Variants in ADGRB2 observed in about 807,000 individuals in gnomAD.
The protein encoded by ADGRB2 is adhesion G protein-coupled receptor B2, also known as brain-specific angiogenesis inhibitor 2.
ADGRB2 carries 47 observed loss-of-function variants against 178.7 expected under a neutral mutation model. That is an observed-to-expected ratio of 0.26 (90% confidence interval 0.21 to 0.34). The LOEUF is 0.34. ADGRB2 is among the 10% of genes least tolerant of loss of function. The probability of loss-of-function intolerance (pLI) is 1.00; values close to 1 mark genes in which losing one functional copy is unlikely to be tolerated. For synonymous variants in ADGRB2, 870 were observed against 912.4 expected (o/e 0.95, Z 0.84); for missense variants, 1,584 against 2,180.8 (o/e 0.73, Z 5.45).
In ADGRB2 at chr1:31,735,397, G is replaced by A. The variant is rs772296083; in HGVS notation, c.3354-116C>T. The A allele has an allele frequency of 4.4e-5, 52 of 1,190,990 alleles. 1 individual carries two copies. In the South Asian group the frequency reaches 6.5e-4, roughly 15 times the overall value. 73.8% of individuals were successfully genotyped at this position (1,190,990 alleles called of 1,614,324 possible). On this transcript the variant is annotated intron_variant, in intron 24 of 32. Coordinates refer to ENST00000373658, the MANE Select transcript of ADGRB2 (RefSeq NM_001364857.2). The surrounding 1 kb of genome is among the most constrained non-coding windows in gnomAD (Gnocchi z 6.0). ...GAGGGCAGACGAGAGAGAGAGAGCT[G>A]GGTTAGGGTGGGTGAGGGGCTGCGG...
rs1163536726 is a variant in ADGRB2 at position 31,728,655 on chromosome 1, G to C, written c.4381-22C>G. The C allele has an allele frequency of 6.2e-7, 1 of 1,613,874 alleles. No individual in the cohort carries two copies. The highest frequency in any genetic ancestry group is 1.1e-5 in the South Asian group (1 of 91,072). Reference sequence around the variant, plus strand: ...TTCGCTGGGAAGGAGCAACAAGGAGGCAATGGAGGAGAAGAAAGCTTTTTA... The same window carrying C: ...TTCGCTGGGAAGGAGCAACAAGGAGCCAATGGAGGAGAAGAAAGCTTTTTA... On this transcript the variant is annotated intron_variant, in intron 29 of 32. Coordinates refer to ENST00000373658, the MANE Select transcript of ADGRB2 (RefSeq NM_001364857.2). The surrounding 1 kb of genome is among the most constrained non-coding windows in gnomAD (Gnocchi z 6.7).
At position 31,756,691 on chromosome 1, in the gene ADGRB2, T is replaced by C. The variant is rs761089681; in HGVS notation, c.146A>G (p.Tyr49Cys). 1 of 1,607,698 alleles carries C rather than the reference T, an allele frequency of 6.2e-7. No homozygotes were observed. Among genetic ancestry groups the C allele is most frequent in the South Asian group, 1.1e-5 (1 of 89,474 alleles). ...ACSALASGVL[Y>C]GAFSLQDLFP... Reference sequence around the variant, plus strand: ...GAGGTCCTGCAGCGAGAAGGCCCCGTAGAGCACACCCGAGGCCAGGGCAGA... The same window carrying C: ...GAGGTCCTGCAGCGAGAAGGCCCCGCAGAGCACACCCGAGGCCAGGGCAGA... Residue 49 changes from tyrosine to cysteine, a missense_variant, in exon 4 of 33, where the codon TAC (tyrosine) becomes TGC (cysteine). By Grantham distance (194) the Tyr-to-Cys change is radical (BLOSUM62 -2). This residue lies in a region of ADGRB2 where 657 missense variants were observed against 847.6 expected (regional missense o/e 0.78). Transcript: ENST00000373658. The surrounding 1 kb of genome is among the most constrained non-coding windows in gnomAD (Gnocchi z 8.5).
In ADGRB2 at chr1:31,727,493, C is replaced by T. The variant is rs139337826; in HGVS notation, c.4685G>A (p.Arg1562Gln). ...GGCTGCTGCCCGGTGCAGAGTCAGC[C>T]GTTCTCGGGGCTTGGGGGGCAGCGA... Reference protein sequence around the residue: ...LGSLPPKPRERLTLHRAAAWE... With the variant: ...LGSLPPKPREQLTLHRAAAWE... Residue 1562 changes from arginine to glutamine, a missense_variant, in exon 33 of 33, where the codon CGG (arginine) becomes CAG (glutamine). Around this residue, in one of 3 missense-constraint regions of ADGRB2, gnomAD observed 865 missense variants for 1,192.8 expected, o/e 0.73. Transcript: ENST00000373658. This position sits in a 1 kb window ranked among gnomAD's most constrained non-coding sequence, Gnocchi z 4.4. The T allele has an allele frequency of 1.9e-6, 3 of 1,596,814 alleles. No homozygotes were observed. In the Admixed American group the frequency reaches 5.5e-5, roughly 30 times the overall value.
chr1:31,745,865 G>C (rs1255303161), intron 4 of ADGRB2, among the ~76,000 whole-genome samples: 1 of 152,158 alleles, frequency 6.6e-6, no homozygotes, highest in Non-Finnish European at 1.5e-5. Context: ...CAAGCATGAG[G>C]AGCAGCCACC....
At position 31,759,381 on chromosome 1, in the gene ADGRB2, G is replaced by A; in HGVS notation, c.-190-1870C>T. 1 of 779,668 alleles carries A rather than the reference G, an allele frequency of 1.3e-6. No homozygotes were observed. Among genetic ancestry groups the A allele is most frequent in the East Asian group, 2.4e-5 (1 of 41,258 alleles). The allele number at this position is 779,668 out of a possible 1,614,324, so 48.3% of individuals were successfully genotyped here. On this transcript the variant is annotated intron_variant, in intron 1 of 32. Transcript: ENST00000373658. This position sits in a 1 kb window ranked among gnomAD's most constrained non-coding sequence, Gnocchi z 4.3. ...AGCTAAGTGTCAGGCAGGATCCTCT[G>A]CGGGGTCTTCCTTTGCATGTCTGAA... is the stretch of plus-strand genomic sequence containing the variant.
chr1:31,758,518 GA>G lies in ADGRB2; in HGVS notation c.-190-1008del, dbSNP rs1342189858. ...TCTTCAGGAGTCTAAACAGCAGGCA[GA>G]GGGGGGACAGAATTTAGAACCCCAA... On this transcript the variant is annotated intron_variant, in intron 1 of 32. Transcript: ENST00000373658. The surrounding 1 kb of genome is among the most constrained non-coding windows in gnomAD (Gnocchi z 4.2). The G allele has an allele frequency of 6.5e-6, 1 of 152,866 alleles. No individual in the cohort carries two copies. The highest frequency in any genetic ancestry group is 1.5e-5 in the Non-Finnish European group (1 of 68,296). The allele number at this position is 152,866 out of a possible 1,614,324, so 9.5% of individuals were successfully genotyped here.
chr1:31,734,992 A>C (rs1021576598), intron 25 of ADGRB2, among the ~76,000 whole-genome samples, 191 bp downstream of exon 25: 1 of 152,194 alleles, frequency 6.6e-6, no homozygotes, highest in Non-Finnish European at 1.5e-5. Flanking sequence ...TGTGGGAGGC[A>C]CAGACATCCA....
At position 31,741,159 on chromosome 1, in the gene ADGRB2, G is replaced by T. The variant is rs1298494625; in HGVS notation, c.1794+214C>A. On this transcript the variant is annotated intron_variant, in intron 11 of 32. Coordinates refer to ENST00000373658, the MANE Select transcript of ADGRB2 (RefSeq NM_001364857.2). The surrounding 1 kb of genome is among the most constrained non-coding windows in gnomAD (Gnocchi z 6.5). ...ACTGAGGAGCTCATTCTGCAGGAGCGCAGAGGTAGGCACCAGGGATAAAAG... is the reference window on the plus strand; with the variant it reads ...ACTGAGGAGCTCATTCTGCAGGAGCTCAGAGGTAGGCACCAGGGATAAAAG... Among the ~76,000 whole-genome samples the T allele has an allele frequency of 2.0e-5, 3 of 152,176 alleles. No individual in the cohort carries two copies. The highest frequency in any genetic ancestry group is 4.4e-5 in the Non-Finnish European group (3 of 68,028).
chr1:31,729,237 C>G (rs1251495590), intron 29 of ADGRB2, among the ~76,000 whole-genome samples: 4 of 152,032 alleles, frequency 2.6e-5, no homozygotes. Flanking sequence ...ACAGGGAGAC[C>G]CATGAAGCCA....
Position 31,727,131 on chromosome 1 carries a change from T to C in ADGRB2, c.*289A>G. 2.7e-6 allele frequency: 1 copy of C among 371,048 alleles called. No homozygotes were observed. Among genetic ancestry groups the C allele is most frequent in the Non-Finnish European group, 4.8e-6 (1 of 207,178 alleles). The allele number at this position is 371,048 out of a possible 1,614,324, so 23.0% of individuals were successfully genotyped here. A position where few individuals can be genotyped will look rare whatever the true frequency, so the allele number is the denominator to read the frequency against. On this transcript the variant is annotated 3_prime_UTR_variant, in exon 33 of 33. Coordinates refer to ENST00000373658, the MANE Select transcript of ADGRB2 (RefSeq NM_001364857.2). The surrounding 1 kb of genome is among the most constrained non-coding windows in gnomAD (Gnocchi z 4.4). ...CAGCAGCAAAATCCACAGAGTGAAG[T>C]TTATTCCCAACAAAGTTCCCCTCCC...
intron 1 of ADGRB2, among the ~76,000 whole-genome samples, chr1:31,757,754 C>G (rs761423969): frequency 6.6e-6 from 1 of 152,202 alleles, no homozygotes; most frequent in Non-Finnish European, 1.5e-5. Context: ...ACCAGCCAGT[C>G]GTGACCTCTC....
Position 31,761,582 on chromosome 1 carries a change from G to A in ADGRB2, c.-191+2302C>T, listed in dbSNP as rs535267973. Among the ~76,000 whole-genome samples, 4 of 152,104 alleles carry A rather than the reference G, an allele frequency of 2.6e-5. No individual in the cohort carries two copies. Among genetic ancestry groups the A allele is most frequent in the Non-Finnish European group, 5.9e-5 (4 of 68,012 alleles). On this transcript the variant is annotated intron_variant, in intron 1 of 32. Coordinates refer to ENST00000373658, the MANE Select transcript of ADGRB2 (RefSeq NM_001364857.2). The surrounding 1 kb of genome is among the most constrained non-coding windows in gnomAD (Gnocchi z 4.2). ...CCTGGCTTTCACTAACATCCCTCTGGCCAGAGCTGATCCCAGAGAAATATA... is the reference window on the plus strand; with the variant it reads ...CCTGGCTTTCACTAACATCCCTCTGACCAGAGCTGATCCCAGAGAAATATA...
At chr1:31,751,078 A>C (rs1267665223) in intron 4 of ADGRB2, among the ~76,000 whole-genome samples, 1 of 152,074 alleles carries the variant, frequency 6.6e-6, no homozygotes, top group Non-Finnish European at 1.5e-5. Flanking sequence ...ATGAGGCCCC[A>C]GTGTCCTGGG....
Position 31,756,738 on chromosome 1 carries a change from G to A in ADGRB2, c.99C>T (p.Phe33=), listed in dbSNP as rs145627406. 21 of 1,573,792 alleles carry A rather than the reference G, an allele frequency of 1.3e-5. No homozygotes were observed. Among genetic ancestry groups the A allele is most frequent in the East Asian group, 9.1e-5 (4 of 43,952 alleles). Residue 33 remains phenylalanine (F), a synonymous_variant, in exon 4 of 33, where the codon TTC becomes TTT. Coordinates refer to ENST00000373658, the MANE Select transcript of ADGRB2 (RefSeq NM_001364857.2). The surrounding 1 kb of genome is among the most constrained non-coding windows in gnomAD (Gnocchi z 8.5). ...VILSLRLATA[F]DPAPSACSAL... is the part of the protein sequence containing the mutation. ...CAGAGCAGGCACTGGGGGCGGGGTCGAAGGCGGTGGCCAGGCGCAGGGACA... is the reference window on the plus strand; with the variant it reads ...CAGAGCAGGCACTGGGGGCGGGGTCAAAGGCGGTGGCCAGGCGCAGGGACA...
In ADGRB2 at chr1:31,733,482, A is replaced by T. The variant is rs1294528578; in HGVS notation, c.3453-339T>A. Among the ~76,000 whole-genome samples, 1 of 152,190 alleles carries T rather than the reference A, an allele frequency of 6.6e-6. No individual in the cohort carries two copies. Among genetic ancestry groups the T allele is most frequent in the African/African-American group, 2.4e-5 (1 of 41,442 alleles). On this transcript the variant is annotated intron_variant, in intron 25 of 32. Coordinates refer to ENST00000373658, the MANE Select transcript of ADGRB2 (RefSeq NM_001364857.2). This position sits in a 1 kb window ranked among gnomAD's most constrained non-coding sequence, Gnocchi z 4.3. Reference sequence around the variant, plus strand: ...CACAGAATCACCTGAGGAGCTTTTTAAAAATGCACGGGGCCGGGACGGCAT... The same window carrying T: ...CACAGAATCACCTGAGGAGCTTTTTTAAAATGCACGGGGCCGGGACGGCAT...
In ADGRB2 at chr1:31,741,936, C is replaced by A; in HGVS notation, c.1449G>T (p.Ala483=). 6.2e-7 allele frequency: 1 copy of A among 1,601,116 alleles called. No homozygotes were observed. The highest frequency in any genetic ancestry group is 8.5e-7 in the Non-Finnish European group (1 of 1,171,012). Residue 483 remains alanine (A), a synonymous_variant, in exon 9 of 33, where the codon GCG becomes GCT. Transcript: ENST00000373658. The surrounding 1 kb of genome is among the most constrained non-coding windows in gnomAD (Gnocchi z 6.5). ...ATDSKWGPWN[A]WSLCSKTCDT... ...CACACGTCTTAGAGCACAGGCTCCACGCATTCCATGGCCCCCACTTGCTAT... is the reference window on the plus strand; with the variant it reads ...CACACGTCTTAGAGCACAGGCTCCAAGCATTCCATGGCCCCCACTTGCTAT...
chr1:31,734,729 T>C (rs971456243), intron 25 of ADGRB2, among the ~76,000 whole-genome samples: 2 of 152,266 alleles, frequency 1.3e-5, no homozygotes, highest in East Asian at 3.8e-4. Flanking sequence ...TCAATGCCTC[T>C]GAAATGCTAA....
At position 31,738,260 on chromosome 1, in the gene ADGRB2, G is replaced by C. The variant is rs1250599455; in HGVS notation, c.2712C>G (p.Thr904=). Residue 904 remains threonine (T), a synonymous_variant, in exon 18 of 33, where the codon ACC becomes ACG. Coordinates refer to ENST00000373658, the MANE Select transcript of ADGRB2 (RefSeq NM_001364857.2). ...CQTLETQAAH[T]RCQCQHLSTF... ...TGGACAGGTGCTGGCACTGGCAGCGGGTGTGAGCTGCCTGGGTCTCCAGGG... is the reference window on the plus strand; with the variant it reads ...TGGACAGGTGCTGGCACTGGCAGCGCGTGTGAGCTGCCTGGGTCTCCAGGG... 6.2e-7 allele frequency: 1 copy of C among 1,614,130 alleles called. No homozygotes were observed. The highest frequency in any genetic ancestry group is 1.1e-5 in the South Asian group (1 of 91,076).
chr1:31,736,830 G>A (rs1398917633), intron 20 of ADGRB2, 107 bp from the exon 21 acceptor site: 3 of 1,470,378 alleles, frequency 2.0e-6, no homozygotes, highest in Non-Finnish European at 2.7e-6. Flanking sequence ...GCCCACCTGA[G>A]CCCCGCCCCC....
Sources: allele counts gnomAD v4.1 joint callset (sites outside exome capture counted in the v4.1 genomes callset), GRCh38; gene constraint gnomAD v4.1.1; regional missense constraint gnomAD v4.1.1; non-coding constraint Gnocchi (gnomAD v3.1); transcripts MANE v1.5; gene names NCBI Gene and HGNC (gene_info 2026-07-23, HGNC 2026-07-21).